Variants in PPP2R3C observed in about 807,000 individuals in gnomAD.
The protein encoded by PPP2R3C is serine/threonine-protein phosphatase 2A regulatory subunit B'' subunit gamma.
PPP2R3C carries 47 observed loss-of-function variants against 63.7 expected under a neutral mutation model. That is an observed-to-expected ratio of 0.74 (90% CI 0.58 to 0.94). The LOEUF (loss-of-function observed/expected upper bound fraction) is 0.94. Ranked by LOEUF, PPP2R3C falls within the 40% of genes least tolerant of loss-of-function variation. The pLI is 0.00. For synonymous variants in PPP2R3C, 180 were observed against 177.4 expected (o/e 1.01, Z -0.12); for missense variants, 421 against 518.4 (o/e 0.81, Z 1.82).
At chr14:35,101,988 C>G (rs1203224545) in intron 6 of PPP2R3C, 1 of 150,620 alleles carries the variant, frequency 6.6e-6, no homozygotes, top group East Asian at 1.9e-4. Flanking sequence ...TTCCCTATTA[C>G]AGGATTATAA....
chr14:35,096,759 T>C lies in PPP2R3C; in HGVS notation c.712A>G (p.Ile238Val), dbSNP rs771385284. The C allele has an allele frequency of 8.8e-6, 14 of 1,583,962 alleles. No individual in the cohort carries two copies. The highest frequency in any genetic ancestry group is 1.2e-5 in the Non-Finnish European group (14 of 1,164,862). Reference sequence around the variant, plus strand: ...CATGCTAAAATATCTTGAATTTTTATCTTTCCTTTAAGAACATAAAGAAAC... The same window carrying C: ...CATGCTAAAATATCTTGAATTTTTACCTTTCCTTTAAGAACATAAAGAAAC... ...FFLDPLRTGK[I>V]KIQDILACSF... is the part of the protein sequence containing the mutation. The change falls in exon 8 of 13, where the codon ATA (isoleucine) becomes GTA (valine). Residue 238 changes from isoleucine to valine, a missense_variant. Around this residue, in one of 3 missense-constraint regions of PPP2R3C, gnomAD observed 231 missense variants for 264.8 expected, o/e 0.87. Coordinates refer to ENST00000261475, the MANE Select transcript of PPP2R3C (RefSeq NM_017917.4).
chr14:35,116,682 A>G lies in PPP2R3C; in HGVS notation c.114T>C (p.Tyr38=). The G allele has an allele frequency of 6.3e-7, 1 of 1,595,746 alleles. No homozygotes were observed. The highest frequency in any genetic ancestry group is 8.6e-7 in the Non-Finnish European group (1 of 1,168,060). ...TTCTACCTCCTTTCCATTCGGAGTA[A>G]TATTTTGTAAATAAATCCATTTCTT... ...KDEEMDLFTK[Y]YSEWKGGRKN... Residue 38 remains tyrosine, a synonymous_variant, in exon 2 of 13, where the codon TAT becomes TAC. Transcript: ENST00000261475.
At chr14:35,118,893 C>A (rs2046780731) in intron 1 of PPP2R3C, among the ~76,000 whole-genome samples, 1 of 151,976 alleles carries the variant, frequency 6.6e-6, no homozygotes, top group East Asian at 1.9e-4. Context: ...CTCAGGTGAT[C>A]CACCCACTTC....
At chr14:35,087,650 T>C in intron 12 of PPP2R3C, 1 of 298,334 alleles carries the variant, frequency 3.4e-6, no homozygotes, top group Non-Finnish European at 6.4e-6. Context: ...TCCGCCCGCC[T>C]CAGCCTCCCA....
intron 6 of PPP2R3C, chr14:35,101,363 G>A (rs895044099): frequency 1.3e-5 from 2 of 152,204 alleles, no homozygotes; most frequent in Non-Finnish European, 2.9e-5. Context: ...TTAGTGAACA[G>A]GAAATGAGGA....
At chr14:35,087,056 GTTGATGTCAACATT>G (rs1198006617) in intron 12 of PPP2R3C, 1 of 152,078 alleles carries the variant, frequency 6.6e-6, no homozygotes, top group Non-Finnish European at 1.5e-5. Flanking sequence ...CATTTCCAAT[GTTGATGTCAACATT>G]TTGTTAGGAT....
intron 1 of PPP2R3C, among the ~76,000 whole-genome samples, chr14:35,121,668 A>G (rs968805312): frequency 3.9e-5 from 6 of 152,188 alleles, no homozygotes; most frequent in African/African-American, 1.4e-4. Context: ...TTAGATTAAG[A>G]CCATGGAAGT....
chr14:35,091,644 G>A (rs1383004926), intron 10 of PPP2R3C, among the ~76,000 whole-genome samples: 1 of 152,064 alleles, frequency 6.6e-6, no homozygotes, highest in Non-Finnish European at 1.5e-5. Context: ...TGGGATTATA[G>A]GTGTGAGCCA....
At chr14:35,097,811 C>A (rs2046047632) in intron 7 of PPP2R3C, among the ~76,000 whole-genome samples, 2 of 151,510 alleles carry the variant, frequency 1.3e-5, no homozygotes, top group Non-Finnish European at 3.0e-5. Flanking sequence ...CAGAAGAGGT[C>A]TGTCTTGCCA....
intron 5 of PPP2R3C, 69 bp from the exon 6 acceptor site, chr14:35,107,443 G>A: frequency 3.9e-6 from 5 of 1,289,126 alleles, no homozygotes; most frequent in Non-Finnish European, 5.6e-6. Context: ...AGGAGATAAA[G>A]AGCCAGATTT....
intron 4 of PPP2R3C, among the ~76,000 whole-genome samples, chr14:35,108,774 A>G (rs563166185): frequency 6.6e-6 from 1 of 152,044 alleles, no homozygotes; most frequent in East Asian, 1.9e-4. Context: ...ATCTCAAAAA[A>G]AAAGATAAAT....
intron 6 of PPP2R3C, among the ~76,000 whole-genome samples, chr14:35,104,916 TAG>T (rs2046300218): frequency 6.6e-6 from 1 of 152,000 alleles, no homozygotes; most frequent in South Asian, 2.1e-4. Context: ...GTATTTTTAA[TAG>T]AGACAGGGTT....
At chr14:35,103,761 C>T (rs1008115961) in intron 6 of PPP2R3C, among the ~76,000 whole-genome samples, 1 of 152,040 alleles carries the variant, frequency 6.6e-6, no homozygotes, top group Non-Finnish European at 1.5e-5. Flanking sequence ...TAATACCTGC[C>T]CCCAAATAAA....
At chr14:35,108,303 A>AGCAAACAATGGCATAAATTC in intron 4 of PPP2R3C, 67 bp from the exon 5 acceptor site, 1 of 1,489,744 alleles carries the variant, frequency 6.7e-7, no homozygotes, top group East Asian at 2.5e-5. Flanking sequence ...TACATAAATT[A>AGCAAACAATGGCATAAATTC]GCAAACAATG....
chr14:35,107,917 A>C (rs1177232683), intron 5 of PPP2R3C: 1 of 465,534 alleles, frequency 2.1e-6, no homozygotes, highest in African/African-American at 2.0e-5. Context: ...TCAGCTCTTA[A>C]TATTTCTAGT....
At chr14:35,111,070 A>G (rs12889019) in intron 2 of PPP2R3C, among the ~76,000 whole-genome samples, 70,094 of 151,488 alleles carry the variant, frequency 0.46, 16,752 homozygotes, top group Non-Finnish European at 0.52. Context: ...CCCCGTCTCT[A>G]CTAAAAATAC....
chr14:35,097,139 T>C (rs920922957), intron 7 of PPP2R3C, among the ~76,000 whole-genome samples: 1 of 151,870 alleles, frequency 6.6e-6, no homozygotes, highest in African/African-American at 2.4e-5. Context: ...CGCTTGAACC[T>C]GGGAGGCAGA....
chr14:35,117,262 A>G, intron 1 of PPP2R3C: 3 of 430,774 alleles, frequency 7.0e-6, no homozygotes, highest in South Asian at 3.3e-5. Flanking sequence ...CTCGCCTGCT[A>G]TTGGCACGTG....
chr14:35,121,932 G>A lies in PPP2R3C; in HGVS notation c.28C>T (p.Arg10Cys), dbSNP rs2046917393. ...GGACAGGTGTTGGGCGTCGCTAGGCGCCGACGAAGAACTTCTTTCCAGTCC... is the reference window on the plus strand; with the variant it reads ...GGACAGGTGTTGGGCGTCGCTAGGCACCGACGAAGAACTTCTTTCCAGTCC... MDWKEVLRR[R>C]LATPNTCPNK... The change falls in exon 1 of 13, where the codon CGC becomes TGC. Residue 10 changes from arginine (R) to cysteine (C), a missense_variant. By Grantham distance (180) the Arg-to-Cys change is radical. Coordinates refer to ENST00000261475, the MANE Select transcript of PPP2R3C (RefSeq NM_017917.4). The A allele has an allele frequency of 1.2e-6, 2 of 1,614,036 alleles. No homozygotes were observed. The highest frequency in any genetic ancestry group is 1.1e-5 in the South Asian group (1 of 91,092).
Sources: allele counts gnomAD v4.1 joint callset (sites outside exome capture counted in the v4.1 genomes callset), GRCh38; gene constraint gnomAD v4.1.1; regional missense constraint gnomAD v4.1.1; transcripts MANE v1.5; gene names NCBI Gene and HGNC (gene_info 2026-07-23, HGNC 2026-07-21).